The following CNOT11 variants were observed in gnomAD, a reference collection of about 807,000 sequenced individuals.
CNOT11 encodes UPF0760 protein C2orf29.
A neutral mutation model predicts 44.6 loss-of-function variants in CNOT11; 18 were observed. The ratio of observed to expected loss-of-function variants is 0.40; its 90% CI spans 0.28 to 0.60. The LOEUF (loss-of-function observed/expected upper bound fraction) is 0.60, where lower values mean the gene tolerates loss of function less well. Ranked by LOEUF, CNOT11 falls within the 20% of genes least tolerant of loss-of-function variation. CNOT11 has a pLI of 0.38. For synonymous variants in CNOT11, 291 were observed against 270.9 expected (o/e 1.07, Z -0.73); for missense variants, 513 against 677.0 (o/e 0.76, Z 2.69).
chr2:101,253,420 G>A lies in CNOT11; in HGVS notation c.456G>A (p.Leu152=), dbSNP rs774135023. The A allele has an allele frequency of 1.0e-5, 16 of 1,570,144 alleles. No homozygotes were observed. Among genetic ancestry groups the A allele is most frequent in the Admixed American group, 1.8e-5 (1 of 55,332 alleles). Reference sequence around the variant, plus strand: ...CCTTCGCCGCCAGCTTCGCGCACCTGCTCAACCCCGCGCCGCCCGCCCGCG... The same window carrying A: ...CCTTCGCCGCCAGCTTCGCGCACCTACTCAACCCCGCGCCGCCCGCCCGCG... ...ANPFAASFAH[L]LNPAPPARGG... The change falls in exon 1 of 7, where the codon CTG becomes CTA. Residue 152 remains leucine (L), a synonymous_variant. Transcript: ENST00000289382. This position sits in a 1 kb window ranked among gnomAD's most constrained non-coding sequence, Gnocchi z 4.3.
At chr2:101,256,136 C>CAAAA (rs34000200) in intron 1 of CNOT11, among the ~76,000 whole-genome samples, 2 of 138,654 alleles carry the variant, frequency 1.4e-5, no homozygotes, top group African/African-American at 5.3e-5. Context: ...GAGACTGCCT[C>CAAAA]AAAAAAAAAA....
intron 2 of CNOT11, among the ~76,000 whole-genome samples, chr2:101,261,844 C>CTTTTTTTTTTTTTTTTTTTTT (rs3044629): frequency 1.8e-5 from 2 of 111,854 alleles, no homozygotes; most frequent in East Asian, 2.7e-4. Flanking sequence ...TTCTTTCTTT[C>CTTTTTTTTTTTTTTTTTTTTT]TTTTTTTTTT....
At chr2:101,268,026 A>G (rs1223115789) in intron 5 of CNOT11, among the ~76,000 whole-genome samples, 1 of 152,242 alleles carries the variant, frequency 6.6e-6, no homozygotes, top group East Asian at 1.9e-4. Flanking sequence ...TATTGGGGGA[A>G]AAAAAGCCCA....
At chr2:101,265,185 C>T (rs1681954562) in intron 4 of CNOT11, 138 bp downstream of exon 4, 1 of 506,622 alleles carries the variant, frequency 2.0e-6, no homozygotes, top group African/African-American at 2.0e-5. Context: ...ACTGCAGCCT[C>T]TGCCTCCCGG....
At position 101,257,857 on chromosome 2, in the gene CNOT11, G is replaced by A. The variant is rs1395719524; in HGVS notation, c.581G>A (p.Arg194Gln). Residue 194 changes from arginine to glutamine, a missense_variant, in exon 2 of 7, where the codon CGG (arginine) becomes CAG (glutamine). By Grantham distance (43) the Arg-to-Gln change is conservative. This residue lies in a region of CNOT11 where 27 missense variants were observed against 56.1 expected (regional missense o/e 0.48). Transcript: ENST00000289382. ...TCCCAGCTGATGCTGGCACCCCCAC[G>A]GGAACTCTTCAAAAAGACGCCTCGC... Reference protein sequence around the residue: ...FLSQLMLAPPRELFKKTPRQI... With the variant: ...FLSQLMLAPPQELFKKTPRQI... 5 of 1,613,838 alleles carry A rather than the reference G, an allele frequency of 3.1e-6. No individual in the cohort carries two copies. The highest frequency in any genetic ancestry group is 3.4e-6 in the Non-Finnish European group (4 of 1,179,960).
At chr2:101,255,120 C>T (rs998882421) in intron 1 of CNOT11, among the ~76,000 whole-genome samples, 3 of 152,216 alleles carry the variant, frequency 2.0e-5, no homozygotes, top group Non-Finnish European at 4.4e-5. Context: ...TATATTTAAC[C>T]ATTTTGTGCC....
In CNOT11 at chr2:101,264,955, T is replaced by C. The variant is rs1681948825; in HGVS notation, c.943T>C (p.Ser315Pro). ...TGACCACGCGATCCAGTGGGATAAA[T>C]CGATGTGTGTTAAGAATAGCACTGG... ...EPDHAIQWDK[S>P]MCVKNSTGVE... The change falls in exon 4 of 7, where the codon TCG (serine) becomes CCG (proline). Residue 315 changes from serine (S) to proline (P), a missense_variant. By Grantham distance (74) the Ser-to-Pro change is moderately conservative. This residue lies in a region of CNOT11 where 140 missense variants were observed against 169.8 expected (regional missense o/e 0.82). Coordinates refer to ENST00000289382, the MANE Select transcript of CNOT11 (RefSeq NM_017546.5). The C allele has an allele frequency of 6.2e-7, 1 of 1,613,984 alleles. No homozygotes were observed. The highest frequency in any genetic ancestry group is 1.3e-5 in the African/African-American group (1 of 74,888).
chr2:101,254,058 T>C (rs1449511616), intron 1 of CNOT11, among the ~76,000 whole-genome samples: 2 of 152,250 alleles, frequency 1.3e-5, no homozygotes, highest in Non-Finnish European at 2.9e-5. Flanking sequence ...GTATACATTA[T>C]GTAAAATGTA....
At position 101,263,846 on chromosome 2, in the gene CNOT11, C is replaced by T. The variant is rs77620215; in HGVS notation, c.833-999C>T. ...AGGAAGATATATGAAAAGCAGATCA[C>T]TCATAATAAGTGGGTCTAGCCAAAC... is the stretch of plus-strand genomic sequence containing the variant. On this transcript the variant is annotated intron_variant, in intron 3 of 6. Transcript: ENST00000289382. Among the ~76,000 whole-genome samples, 1,196 of 152,320 alleles carry T rather than the reference C, an allele frequency of 7.9e-3. 5 individuals are homozygous for T. The highest frequency in any genetic ancestry group is 0.013 in the Non-Finnish European group (859 of 68,028).
rs17025351 is a variant in CNOT11 at position 101,263,829 on chromosome 2, A to G, written c.833-1016A>G. On this transcript the variant is annotated intron_variant, in intron 3 of 6. Coordinates refer to ENST00000289382, the MANE Select transcript of CNOT11 (RefSeq NM_017546.5). ...AAATTGCATAGGTCACCAGGAAGAT[A>G]TATGAAAAGCAGATCACTCATAATA... Among the ~76,000 whole-genome samples, 976 of 152,368 alleles carry G rather than the reference A, an allele frequency of 6.4e-3. 18 individuals carry two copies. Among genetic ancestry groups the G allele is most frequent in the African/African-American group, 0.022 (927 of 41,594 alleles).
intron 4 of CNOT11, 136 bp downstream of exon 4, chr2:101,265,183 C>A (rs1681954468): frequency 3.9e-6 from 2 of 509,630 alleles, no homozygotes; most frequent in Admixed American, 3.6e-5. Context: ...TCACTGCAGC[C>A]TCTGCCTCCC....
At position 101,253,674 on chromosome 2, in the gene CNOT11, T is replaced by C. The variant is rs1020747953; in HGVS notation, c.514+196T>C. Among the ~76,000 whole-genome samples, 1 of 152,232 alleles carries C rather than the reference T, an allele frequency of 6.6e-6. No homozygotes were observed. The highest frequency in any genetic ancestry group is 2.4e-5 in the African/African-American group (1 of 41,462). ...TCTAAAGAATGGAGAGGTGGTAGCT[T>C]AATTGCAAGTTCGTGACACCGAAAA... is the stretch of plus-strand genomic sequence containing the variant. On this transcript the variant is annotated intron_variant, in intron 1 of 6. Coordinates refer to ENST00000289382, the MANE Select transcript of CNOT11 (RefSeq NM_017546.5). This position sits in a 1 kb window ranked among gnomAD's most constrained non-coding sequence, Gnocchi z 4.3.
chr2:101,262,552 A>G lies in CNOT11; in HGVS notation c.693A>G (p.Glu231=), dbSNP rs1266269260. 2 of 1,613,840 alleles carry G rather than the reference A, an allele frequency of 1.2e-6. No individual in the cohort carries two copies. Among genetic ancestry groups the G allele is most frequent in the African/African-American group, 2.7e-5 (2 of 74,870 alleles). ...TCCTATTTCCAGAACGCCAATCTGA[A>G]TTGCCAACGCAAAGCAAAGCGAGCT... ...LQLALAERQS[E]LPTQSKASFP... is the part of the protein sequence containing the mutation. Residue 231 remains glutamate (E), a synonymous_variant, in exon 3 of 7, where the codon GAA becomes GAG. Transcript: ENST00000289382.
Position 101,269,544 on chromosome 2 carries a change from T to C in CNOT11, c.*131T>C, listed in dbSNP as rs970903263. 1 of 684,248 alleles carries C rather than the reference T, an allele frequency of 1.5e-6. No homozygotes were observed. The highest frequency in any genetic ancestry group is 2.3e-6 in the Non-Finnish European group (1 of 433,954). 42.4% of individuals were successfully genotyped at this position (684,248 alleles called of 1,614,324 possible). On this transcript the variant is annotated 3_prime_UTR_variant, in exon 7 of 7. Coordinates refer to ENST00000289382, the MANE Select transcript of CNOT11 (RefSeq NM_017546.5). The surrounding 1 kb of genome is among the most constrained non-coding windows in gnomAD (Gnocchi z 4.8). ...AGTACTTTATCTACTTAAAGCAAAG[T>C]TTTGCTTTCTTGAATGACTTTTTCT... is the stretch of plus-strand genomic sequence containing the variant.
At position 101,257,814 on chromosome 2, in the gene CNOT11, C is replaced by G. The variant is rs781728323; in HGVS notation, c.538C>G (p.Pro180Ala). The G allele has an allele frequency of 2.9e-5, 47 of 1,613,672 alleles. No individual in the cohort carries two copies. Among genetic ancestry groups the G allele is most frequent in the Non-Finnish European group, 4.0e-5 (47 of 1,179,796 alleles). The change falls in exon 2 of 7, where the codon CCA becomes GCA. Residue 180 changes from proline to alanine, a missense_variant. By Grantham distance (27) the Pro-to-Ala change is conservative. This residue lies in a region of CNOT11 where 259 missense variants were observed against 265.7 expected (regional missense o/e 0.97). Transcript: ENST00000289382. The part of the protein sequence containing the change: ...LSGFLPPITP[P>A]EKFFLSQLML... ...AGGATTTTTACCTCCTATAACTCCACCAGAAAAGTTTTTTCTTTCCCAGCT... is the reference window on the plus strand; with the variant it reads ...AGGATTTTTACCTCCTATAACTCCAGCAGAAAAGTTTTTTCTTTCCCAGCT...
chr2:101,261,941 G>A (rs1037255260), intron 2 of CNOT11, among the ~76,000 whole-genome samples: 1 of 146,540 alleles, frequency 6.8e-6, no homozygotes. Context: ...CCGCCTCCCG[G>A]GTTCATGCCA....
intron 5 of CNOT11, 98 bp downstream of exon 5, chr2:101,266,977 G>GT (rs1162722591): frequency 1.1e-5 from 9 of 839,734 alleles, no homozygotes; most frequent in South Asian, 7.9e-5. Flanking sequence ...TATTATTGGC[G>GT]TAAGATTAAC....
chr2:101,264,411 A>C (rs1186870640), intron 3 of CNOT11, among the ~76,000 whole-genome samples: 6 of 152,228 alleles, frequency 3.9e-5, no homozygotes, highest in Non-Finnish European at 7.3e-5. Context: ...TATAAGATGC[A>C]AAGATAAAAC....
At chr2:101,266,323 C>T (rs1167933098) in intron 4 of CNOT11, among the ~76,000 whole-genome samples, 2 of 151,648 alleles carry the variant, frequency 1.3e-5, no homozygotes, top group Non-Finnish European at 2.9e-5. Context: ...TTTTTAGTTA[C>T]AACAGATGAC....
Sources: allele counts gnomAD v4.1 joint callset (sites outside exome capture counted in the v4.1 genomes callset), GRCh38; gene constraint gnomAD v4.1.1; regional missense constraint gnomAD v4.1.1; non-coding constraint Gnocchi (gnomAD v3.1); transcripts MANE v1.5; gene names NCBI Gene and HGNC (gene_info 2026-07-23, HGNC 2026-07-21).